Variants in HOOK1 observed in about 807,000 individuals in gnomAD.
The protein encoded by HOOK1 is protein Hook homolog 1.
Under a neutral mutation model 112.8 loss-of-function variants are expected in HOOK1, and 60 were observed. The ratio of observed to expected loss-of-function variants is 0.53; its 90% CI spans 0.43 to 0.66. The LOEUF is 0.66. HOOK1 is among the 30% of genes least tolerant of loss of function. The pLI, the probability that HOOK1 is intolerant of heterozygous loss-of-function variation, is 0.00. For missense variants in HOOK1, 770 were observed against 856.0 expected, an observed-to-expected ratio of 0.90 and a Z score of 1.25; for synonymous variants, 294 against 283.8, an observed-to-expected ratio of 1.04 and a Z score of -0.36.
Position 59,815,128 on chromosome 1 carries a change from C to A in HOOK1, c.11C>A (p.Thr4Lys), listed in dbSNP as rs1285133860. 1 of 1,541,594 alleles carries A rather than the reference C, an allele frequency of 6.5e-7. No individual in the cohort carries two copies. The highest frequency in any genetic ancestry group is 1.4e-5 in the African/African-American group (1 of 72,994). MEE[T>K]QPPPQPKLPL... ...ACGGCGGCGCCGGCCATGGAGGAGA[C>A]GCAGCCGCCGCCGCAGCCTAAGCTG... The change falls in exon 1 of 22, where the codon ACG (threonine) becomes AAG (lysine). Residue 4 changes from threonine to lysine, a missense_variant. Transcript: ENST00000371208.
intron 12 of HOOK1, among the ~76,000 whole-genome samples, chr1:59,858,148 C>G (rs1157333546): frequency 6.6e-6 from 1 of 152,164 alleles, no homozygotes; most frequent in East Asian, 1.9e-4. Context: ...TTTATGCCTC[C>G]AAAGTCCATG....
At position 59,875,821 on chromosome 1, in the gene HOOK1, A is replaced by ATGAT. The variant is rs1280747755; in HGVS notation, c.*2858_*2861dup. ...TTTTTTCGATGAATAAGGCTGTCAA[A>ATGAT]TGATTTAGTATAGATTAATGACATC... is the stretch of plus-strand genomic sequence containing the variant. On this transcript the variant is annotated 3_prime_UTR_variant, in exon 22 of 22. Transcript: ENST00000371208. The ATGAT allele has an allele frequency of 6.6e-6, 1 of 152,232 alleles. No individual in the cohort carries two copies. The highest frequency in any genetic ancestry group is 2.4e-5 in the African/African-American group (1 of 41,466). 9.4% of individuals were successfully genotyped at this position (152,232 alleles called of 1,614,324 possible).
At chr1:59,851,371 T>C (rs1046741047) in intron 12 of HOOK1, among the ~76,000 whole-genome samples, 4 of 151,632 alleles carry the variant, frequency 2.6e-5, no homozygotes, top group African/African-American at 9.7e-5. Context: ...GTTTTCAGTG[T>C]GCAAGACTAG....
intron 2 of HOOK1, among the ~76,000 whole-genome samples, chr1:59,822,299 T>C (rs2102004984): frequency 6.6e-6 from 1 of 152,370 alleles, no homozygotes; most frequent in Non-Finnish European, 1.5e-5. Flanking sequence ...TGTTGTCATT[T>C]TAAGGTATCC....
At chr1:59,868,040 A>G (rs1643997224) in intron 19 of HOOK1, among the ~76,000 whole-genome samples, 2 of 152,096 alleles carry the variant, frequency 1.3e-5, no homozygotes, top group African/African-American at 4.8e-5. Flanking sequence ...GGACATTTAT[A>G]TTTTTGTACT....
At chr1:59,832,121 T>G in intron 3 of HOOK1, 42 bp from the exon 4 acceptor site, 1 of 1,140,536 alleles carries the variant, frequency 8.8e-7, no homozygotes, top group Non-Finnish European at 1.3e-6. Context: ...TTTTCTTTCA[T>G]TATTAATCTG....
rs1559038823 is a variant in HOOK1, at chr1:59,815,043, A to G, written c.-75A>G. On this transcript the variant is annotated 5_prime_UTR_variant, in exon 1 of 22. Transcript: ENST00000371208. ...TTTCCTGGGGGCTAGCAGGTCGTGG[A>G]CGCCGGCTCCTGGAGGAGAGCCGGT... 2 of 1,431,756 alleles carry G rather than the reference A, an allele frequency of 1.4e-6. No individual in the cohort carries two copies. The highest frequency in any genetic ancestry group is 1.9e-6 in the Non-Finnish European group (2 of 1,056,082). The allele number at this position is 1,431,756 out of a possible 1,614,324, so 88.7% of individuals were successfully genotyped here. A position where few individuals can be genotyped will look rare whatever the true frequency, so the allele number is the denominator to read the frequency against.
At chr1:59,837,091 G>A (rs41302794) in intron 7 of HOOK1, among the ~76,000 whole-genome samples, 156 bp downstream of exon 7, 2 of 152,302 alleles carry the variant, frequency 1.3e-5, no homozygotes, top group Non-Finnish European at 2.9e-5. Flanking sequence ...AATGGCAGTG[G>A]TGTTGGTCTC....
At chr1:59,858,278 A>G in intron 12 of HOOK1, 150 bp from the exon 13 acceptor site, 1 of 624,872 alleles carries the variant, frequency 1.6e-6, no homozygotes, top group South Asian at 2.0e-5. Context: ...TATTTATGTA[A>G]CTGAATAGAA....
chr1:59,858,755 G>GA (rs2098411979), intron 13 of HOOK1, among the ~76,000 whole-genome samples: 1 of 143,068 alleles, frequency 7.0e-6, no homozygotes, highest in African/African-American at 2.6e-5. Flanking sequence ...AGGAAAGAAA[G>GA]AAGGAGGGAA....
At chr1:59,848,601 A>G (rs2098405456) in intron 11 of HOOK1, 85 bp downstream of exon 11, 1 of 914,926 alleles carries the variant, frequency 1.1e-6, no homozygotes. Context: ...ATGGTAAAGA[A>G]ATTGAGAAGC....
intron 2 of HOOK1, among the ~76,000 whole-genome samples, chr1:59,826,137 C>T (rs139256293): frequency 6.2e-4 from 95 of 152,096 alleles, no homozygotes; most frequent in African/African-American, 2.2e-3. Context: ...ATAAATACAC[C>T]GGATGGAGTT....
rs1278383701 is a variant in HOOK1 at position 59,875,795 on chromosome 1, A to AT, written c.*2836dup. 3 of 152,174 alleles carry AT rather than the reference A, an allele frequency of 2.0e-5. No homozygotes were observed. Among genetic ancestry groups the AT allele is most frequent in the Non-Finnish European group, 4.4e-5 (3 of 68,024 alleles). 9.4% of individuals were successfully genotyped at this position (152,174 alleles called of 1,614,324 possible). On this transcript the variant is annotated 3_prime_UTR_variant, in exon 22 of 22. Transcript: ENST00000371208. ...ATGTATTGAGGAAAATTTGAAGTTT[A>AT]TTTTTTCGATGAATAAGGCTGTCAA...
At chr1:59,837,849 C>G (rs1574191676) in intron 7 of HOOK1, among the ~76,000 whole-genome samples, 1 of 152,062 alleles carries the variant, frequency 6.6e-6, no homozygotes, top group African/African-American at 2.4e-5. Flanking sequence ...TTTCCTAGCC[C>G]CCCACCCCCC....
At chr1:59,859,090 A>AT (rs768420402) in intron 14 of HOOK1, 45 bp downstream of exon 14, 5 of 972,716 alleles carry the variant, frequency 5.1e-6, no homozygotes, top group Admixed American at 3.6e-5. Flanking sequence ...TAATATTATA[A>AT]TTTTTTTGTT....
At position 59,845,137 on chromosome 1, in the gene HOOK1, G is replaced by C. The variant is rs375263784; in HGVS notation, c.788+1539G>C. 1.1e-4 allele frequency among the ~76,000 whole-genome samples: 16 copies of C among 151,984 alleles called. No homozygotes were observed. In the East Asian group the frequency reaches 2.1e-3, roughly 20 times the overall value. Reference sequence around the variant, plus strand: ...ACCAGCAGATTCAGTGTCTGTTTGAGGGATAGCTCTCTGCCTCCAAGATGG... The same window carrying C: ...ACCAGCAGATTCAGTGTCTGTTTGACGGATAGCTCTCTGCCTCCAAGATGG... On this transcript the variant is annotated intron_variant, in intron 9 of 21. Coordinates refer to ENST00000371208, the MANE Select transcript of HOOK1 (RefSeq NM_015888.6).
intron 7 of HOOK1, among the ~76,000 whole-genome samples, chr1:59,838,452 T>C (rs2098399176): frequency 6.6e-6 from 1 of 152,220 alleles, no homozygotes. Flanking sequence ...CCTGTGATGA[T>C]GAGCATTTTT....
At chr1:59,848,207 T>G (rs1419107921) in intron 10 of HOOK1, 108 bp from the exon 11 acceptor site, 33 of 772,472 alleles carry the variant, frequency 4.3e-5, no homozygotes, top group Non-Finnish European at 8.2e-6. Flanking sequence ...ACATTTACTT[T>G]TCTTTTTTCT....
intron 11 of HOOK1, among the ~76,000 whole-genome samples, chr1:59,848,846 TA>T (rs3830824): frequency 0.032 from 4,824 of 151,540 alleles, 131 homozygotes; most frequent in Admixed American, 0.087. Flanking sequence ...ATAGCATTAG[TA>T]GGCTGACTTT....
Sources: gnomAD v4.1 joint callset for allele counts (sites outside exome capture counted in the v4.1 genomes callset) on GRCh38, gnomAD v4.1.1 for gene constraint, MANE v1.5 for transcripts, NCBI Gene and HGNC (gene_info 2026-07-23, HGNC 2026-07-21) for gene names.